Variants in USP46 observed in about 807,000 individuals in gnomAD.
The protein encoded by USP46 is ubiquitin carboxyl-terminal hydrolase 46.
USP46 carries 12 observed loss-of-function variants against 44.4 expected under a neutral mutation model. That is an observed-to-expected ratio of 0.27 (90% CI 0.17 to 0.44). The LOEUF is 0.44. Among genes scored for constraint, USP46 ranks in the 20% least tolerant of loss-of-function variants. The pLI is 1.00. For missense variants in USP46, 248 were observed against 444.8 expected (o/e 0.56, Z 3.98); for synonymous variants, 155 against 161.5 (o/e 0.96, Z 0.31).
At chr4:52,617,008 T>C (rs1257941493) in intron 4 of USP46, among the ~76,000 whole-genome samples, 1 of 152,222 alleles carries the variant, frequency 6.6e-6, no homozygotes, top group Non-Finnish European at 1.5e-5. Context: ...TTTATATCTG[T>C]ATGCTAGTAA....
In USP46 at chr4:52,594,717, G is replaced by A. The variant is rs73814192; in HGVS notation, c.*2923C>T. ...TTATTAGGCATGCCCATGAAATTAA[G>A]GGTATCCATGAAAATAAATGCATAG... On this transcript the variant is annotated 3_prime_UTR_variant, in exon 9 of 9. Coordinates refer to ENST00000441222, the MANE Select transcript of USP46 (RefSeq NM_022832.4). The A allele has an allele frequency of 2.6e-3, 401 of 152,234 alleles. 1 individual carries two copies. Among genetic ancestry groups the A allele is most frequent in the African/African-American group, 9.0e-3 (375 of 41,538 alleles). The allele number at this position is 152,234 out of a possible 1,614,324, so 9.4% of individuals were successfully genotyped here.
chr4:52,606,967 G>A (rs1716708595), intron 5 of USP46, among the ~76,000 whole-genome samples: 1 of 152,190 alleles, frequency 6.6e-6, no homozygotes, highest in African/African-American at 2.4e-5. Context: ...ATTGACTGGA[G>A]TGGAACGGGG....
At chr4:52,621,837 C>T (rs1717386218) in intron 4 of USP46, among the ~76,000 whole-genome samples, 1 of 152,182 alleles carries the variant, frequency 6.6e-6, no homozygotes, top group Non-Finnish European at 1.5e-5. Flanking sequence ...TGTAGCAGCA[C>T]TGTCTACAAG....
intron 3 of USP46, 76 bp from the exon 4 acceptor site, chr4:52,626,323 A>G: frequency 7.8e-7 from 1 of 1,278,538 alleles, no homozygotes; most frequent in Non-Finnish European, 1.1e-6. Flanking sequence ...TACATGCCAT[A>G]CTTAAATATT....
chr4:52,659,038 C>G lies in USP46; in HGVS notation c.36+77G>C. The G allele has an allele frequency of 6.8e-7, 1 of 1,480,684 alleles. No individual in the cohort carries two copies. The allele number at this position is 1,480,684 out of a possible 1,614,324, so 91.7% of individuals were successfully genotyped here. A position where few individuals can be genotyped will look rare whatever the true frequency, so the allele number is the denominator to read the frequency against. On this transcript the variant is annotated intron_variant, in intron 1 of 8. Transcript: ENST00000441222. The surrounding 1 kb of genome is among the most constrained non-coding windows in gnomAD (Gnocchi z 4.2). ...CGCCCCCGCCGCCCCAGCCACCGGG[C>G]GTGTGTGCAGCTCGGGCTTCCCTTT...
chr4:52,649,559 GA>G (rs1718677360), intron 1 of USP46, among the ~76,000 whole-genome samples: 1 of 152,180 alleles, frequency 6.6e-6, no homozygotes, highest in Non-Finnish European at 1.5e-5. Context: ...GAGTTTGTTA[GA>G]AGTGCAAAAT....
At chr4:52,624,933 T>C (rs1235580343) in intron 4 of USP46, among the ~76,000 whole-genome samples, 1 of 152,224 alleles carries the variant, frequency 6.6e-6, no homozygotes, top group African/African-American at 2.4e-5. Context: ...CCTCCAGAAC[T>C]GTGAGAAATG....
At chr4:52,613,591 A>T (rs1185700062) in intron 4 of USP46, among the ~76,000 whole-genome samples, 1 of 151,852 alleles carries the variant, frequency 6.6e-6, no homozygotes, top group African/African-American at 2.4e-5. Context: ...GTGCGGTGGC[A>T]GGCGCCTGTA....
chr4:52,651,936 T>C (rs1323792786), intron 1 of USP46, among the ~76,000 whole-genome samples: 1 of 152,184 alleles, frequency 6.6e-6, no homozygotes, highest in African/African-American at 2.4e-5. Flanking sequence ...CTTGTCATCA[T>C]TTTTTTCACC....
At chr4:52,607,191 T>C (rs1716717153) in intron 5 of USP46, among the ~76,000 whole-genome samples, 1 of 152,254 alleles carries the variant, frequency 6.6e-6, no homozygotes, top group Non-Finnish European at 1.5e-5. Flanking sequence ...CAGAAGTTAA[T>C]ACCTAATGTA....
intron 1 of USP46, among the ~76,000 whole-genome samples, chr4:52,646,850 C>G (rs146210173): frequency 3.9e-5 from 6 of 152,366 alleles, no homozygotes; most frequent in African/African-American, 1.2e-4. Flanking sequence ...TTTCCCCTGA[C>G]TGGCAAAGAT....
chr4:52,634,400 T>G (rs1296245885), intron 1 of USP46, among the ~76,000 whole-genome samples: 1 of 146,166 alleles, frequency 6.8e-6, no homozygotes, highest in African/African-American at 2.5e-5. Context: ...TCCCAGCTAC[T>G]CAGGAGGCTG....
Position 52,631,725 on chromosome 4 carries a change from G to T in USP46, c.37-581C>A, listed in dbSNP as rs371180723. 5.3e-5 allele frequency among the ~76,000 whole-genome samples: 8 copies of T among 152,228 alleles called. No homozygotes were observed. The South Asian group carries it at 8.3e-4, about 16-fold the overall frequency. On this transcript the variant is annotated intron_variant, in intron 1 of 8. Coordinates refer to ENST00000441222, the MANE Select transcript of USP46 (RefSeq NM_022832.4). ...TTTATTTAAAAATAATAGTGCAGGG[G>T]CTGGGTGCAGTGTCTCATGCCTATA...
intron 1 of USP46, among the ~76,000 whole-genome samples, chr4:52,634,899 G>C (rs367907020): frequency 3.9e-5 from 6 of 152,154 alleles, no homozygotes; most frequent in Admixed American, 1.3e-4. Flanking sequence ...CCATGCTCTC[G>C]CAGCAACTTG....
intron 1 of USP46, among the ~76,000 whole-genome samples, chr4:52,642,614 G>A (rs552194985): frequency 3.5e-4 from 53 of 152,314 alleles, no homozygotes; most frequent in African/African-American, 1.2e-3. Flanking sequence ...CCTTTTCCAT[G>A]GAATCTCTAC....
At chr4:52,620,880 C>T (rs369584611) in intron 4 of USP46, among the ~76,000 whole-genome samples, 1 of 152,282 alleles carries the variant, frequency 6.6e-6, no homozygotes, top group African/African-American at 2.4e-5. Context: ...TATCCAACAA[C>T]AGTAAAATGA....
At chr4:52,600,464 G>C (rs1396238933) in intron 7 of USP46, among the ~76,000 whole-genome samples, 1 of 152,136 alleles carries the variant, frequency 6.6e-6, no homozygotes, top group East Asian at 1.9e-4. Flanking sequence ...AAGAATCCTA[G>C]TTAGTGGCAT....
At position 52,626,077 on chromosome 4, in the gene USP46, C is replaced by T; in HGVS notation, c.502G>A (p.Val168Ile). Residue 168 changes from valine (V) to isoleucine (I), a missense_variant, in exon 4 of 9, where the codon GTC becomes ATC. Around this residue, in one of 5 missense-constraint regions of USP46, gnomAD observed 98 missense variants for 218.2 expected, o/e 0.45. Transcript: ENST00000441222. ...AGCGTTCCCTGAAAAATCTCATGGA[C>T]CCAGGTGAGTTCTGGTTTATTATTT... ...AENNKPELTW[V>I]HEIFQGTLTN... is the part of the protein sequence containing the mutation. 6.2e-7 allele frequency: 1 copy of T among 1,613,916 alleles called. No homozygotes were observed. The highest frequency in any genetic ancestry group is 1.3e-5 in the African/African-American group (1 of 75,038).
chr4:52,655,811 T>C (rs1168241113), intron 1 of USP46, among the ~76,000 whole-genome samples: 1 of 152,156 alleles, frequency 6.6e-6, no homozygotes, highest in Non-Finnish European at 1.5e-5. Flanking sequence ...GGAATTCACA[T>C]GGAAGAAAAA....
Sources: gnomAD v4.1 joint callset for allele counts (sites outside exome capture counted in the v4.1 genomes callset) on GRCh38, gnomAD v4.1.1 for gene constraint, gnomAD v4.1.1 regional missense constraint, Gnocchi (gnomAD v3.1) non-coding constraint, MANE v1.5 for transcripts, NCBI Gene and HGNC (gene_info 2026-07-23, HGNC 2026-07-21) for gene names.